MBD5: variants seen among roughly 807,000 people sequenced by gnomAD.
MBD5 encodes the protein methyl-CpG-binding domain protein 5.
Under a neutral mutation model 117.3 loss-of-function variants are expected in MBD5, and 13 were observed. That is an observed-to-expected ratio of 0.11 (90% CI 0.07 to 0.18). The LOEUF is 0.18. Among genes scored for constraint, MBD5 ranks in the 10% least tolerant of loss-of-function variants. The probability of loss-of-function intolerance (pLI) is 1.00; values close to 1 mark genes in which losing one functional copy is unlikely to be tolerated. For missense variants in MBD5, 1,879 were observed against 2,093.8 expected, an observed-to-expected ratio of 0.90 and a Z score of 2.00; for synonymous variants, 727 against 766.4, an observed-to-expected ratio of 0.95 and a Z score of 0.85.
chr2:148,324,658 T>A (rs1209933816), intron 3 of MBD5, among the ~76,000 whole-genome samples: 1 of 152,048 alleles, frequency 6.6e-6, no homozygotes, highest in African/African-American at 2.4e-5. Flanking sequence ...TGTATAAGAA[T>A]GCTTGTGATT....
intron 2 of MBD5, among the ~76,000 whole-genome samples, chr2:148,205,356 C>T (rs13023722): frequency 6.6e-6 from 1 of 152,166 alleles, no homozygotes; most frequent in African/African-American, 2.4e-5. Context: ...TCCCAAATTG[C>T]TGGGATTACA....
chr2:148,294,503 T>TTTTTTTTTTTTTTTTTTG (rs1559009501), intron 3 of MBD5, among the ~76,000 whole-genome samples: 5 of 17,828 alleles, frequency 2.8e-4, no homozygotes, highest in African/African-American at 8.7e-4. Flanking sequence ...GGATTACAGT[T>TTTTTTTTTTTTTTTTTTG]TTTTTTTTTT....
At chr2:148,033,974 C>T (rs535664143) in intron 1 of MBD5, among the ~76,000 whole-genome samples, 5 of 152,106 alleles carry the variant, frequency 3.3e-5, no homozygotes, top group Admixed American at 1.3e-4. Context: ...CAACAGTGTT[C>T]GGAAAGCTTA....
rs1290442139 is a variant in MBD5 at position 148,021,469 on chromosome 2, C to G, written c.-1140C>G. On this transcript the variant is annotated 5_prime_UTR_variant, in exon 1 of 14. Transcript: ENST00000642680. ...AGACCCTTTGCTGCTGCTGTTGCTGCTGCTGCTGCTGTTGCTGCTGCTGCT... is the reference window on the plus strand; with the variant it reads ...AGACCCTTTGCTGCTGCTGTTGCTGGTGCTGCTGCTGTTGCTGCTGCTGCT... The G allele has an allele frequency of 1.7e-6, 1 of 578,290 alleles. No individual in the cohort carries two copies. The highest frequency in any genetic ancestry group is 1.9e-5 in the African/African-American group (1 of 52,876). The allele number at this position is 578,290 out of a possible 1,614,324, so 35.8% of individuals were successfully genotyped here.
intron 3 of MBD5, among the ~76,000 whole-genome samples, chr2:148,325,116 T>C (rs1180505936): frequency 6.6e-6 from 1 of 152,250 alleles, no homozygotes; most frequent in Non-Finnish European, 1.5e-5. Flanking sequence ...TCTTTGGTTC[T>C]GTTTATATGC....
At chr2:148,313,123 C>T (rs1334711129) in intron 3 of MBD5, among the ~76,000 whole-genome samples, 5 of 152,094 alleles carry the variant, frequency 3.3e-5, no homozygotes, top group African/African-American at 9.7e-5. Flanking sequence ...TCAGGAGGCA[C>T]GGGGATCAGG....
At chr2:148,281,683 T>C (rs1701249862) in intron 3 of MBD5, among the ~76,000 whole-genome samples, 1 of 152,172 alleles carries the variant, frequency 6.6e-6, no homozygotes, top group East Asian at 1.9e-4. Flanking sequence ...TGACTTTTTT[T>C]TCTCTCTATC....
chr2:148,445,093 C>T (rs1022460495), intron 4 of MBD5, among the ~76,000 whole-genome samples: 2 of 151,100 alleles, frequency 1.3e-5, no homozygotes, highest in African/African-American at 4.9e-5. Flanking sequence ...ATTCCCCTGT[C>T]CTGCTCTGGT....
At chr2:148,148,792 C>A (rs564805211) in intron 1 of MBD5, among the ~76,000 whole-genome samples, 55 of 152,238 alleles carry the variant, frequency 3.6e-4, no homozygotes, top group African/African-American at 1.2e-3. Flanking sequence ...AGTTTAATGT[C>A]TCAGAGACAG....
intron 3 of MBD5, among the ~76,000 whole-genome samples, chr2:148,297,547 C>A (rs768256499): frequency 3.9e-5 from 6 of 152,058 alleles, no homozygotes; most frequent in Non-Finnish European, 7.4e-5. Context: ...CAATAATACC[C>A]CAGGGAACAA....
At chr2:148,033,549 C>T (rs1466231582) in intron 1 of MBD5, among the ~76,000 whole-genome samples, 2 of 152,012 alleles carry the variant, frequency 1.3e-5, no homozygotes, top group South Asian at 2.1e-4. Flanking sequence ...AATCTAATAA[C>T]TGAAAATTCA....
At chr2:148,512,056 G>T (rs942164125) in intron 13 of MBD5, among the ~76,000 whole-genome samples, 3 of 152,196 alleles carry the variant, frequency 2.0e-5, no homozygotes, top group African/African-American at 7.2e-5. Flanking sequence ...TCGAAATGCT[G>T]ATTAAGCATT....
At chr2:148,023,019 T>C (rs992342241) in intron 1 of MBD5, among the ~76,000 whole-genome samples, 2 of 152,118 alleles carry the variant, frequency 1.3e-5, no homozygotes, top group Non-Finnish European at 2.9e-5. Flanking sequence ...CTTTATTCTT[T>C]CCTTGAAGAT....
intron 3 of MBD5, among the ~76,000 whole-genome samples, chr2:148,272,556 A>G (rs1701009717): frequency 6.6e-6 from 1 of 152,094 alleles, no homozygotes; most frequent in South Asian, 2.1e-4. Flanking sequence ...ATTTTTCCAT[A>G]TACCTATTCA....
At chr2:148,502,141 TA>T (rs370182656) in intron 11 of MBD5, among the ~76,000 whole-genome samples, 59 of 152,368 alleles carry the variant, frequency 3.9e-4, no homozygotes, top group African/African-American at 1.4e-3. Context: ...CTCTGATTTT[TA>T]TGATTTTGTG....
intron 5 of MBD5, among the ~76,000 whole-genome samples, chr2:148,459,435 C>G (rs993826109): frequency 1.3e-5 from 2 of 152,118 alleles, no homozygotes; most frequent in African/African-American, 4.8e-5. Flanking sequence ...CTACTCTTTT[C>G]AATGTCAATG....
chr2:148,115,709 A>G (rs1054122709), intron 1 of MBD5, among the ~76,000 whole-genome samples: 3 of 151,884 alleles, frequency 2.0e-5, no homozygotes, highest in Non-Finnish European at 4.4e-5. Flanking sequence ...TACATTTTAT[A>G]TTTTCATTTA....
chr2:148,085,969 G>GTATCA (rs1186161403), intron 1 of MBD5, among the ~76,000 whole-genome samples: 2 of 152,010 alleles, frequency 1.3e-5, no homozygotes, highest in Admixed American at 6.6e-5. Context: ...TAAACTCTTG[G>GTATCA]TGGAAGTACA....
intron 2 of MBD5, among the ~76,000 whole-genome samples, chr2:148,203,292 CAATT>C (rs556047413): frequency 1.2e-3 from 176 of 152,040 alleles, no homozygotes; most frequent in Non-Finnish European, 2.3e-3. Context: ...AGAGTTGTAA[CAATT>C]AAATGTGGGA....
Sources: gnomAD v4.1 joint callset for allele counts (sites outside exome capture counted in the v4.1 genomes callset) on GRCh38, gnomAD v4.1.1 for gene constraint, MANE v1.5 for transcripts, NCBI Gene and HGNC (gene_info 2026-07-23, HGNC 2026-07-21) for gene names.